Variants in MAGI2 observed in about 807,000 individuals in gnomAD.
The protein encoded by MAGI2 is membrane-associated guanylate kinase, WW and PDZ domain-containing protein 2.
MAGI2 carries 35 observed loss-of-function variants against 133.3 expected under a neutral mutation model. That is an observed-to-expected ratio of 0.26 (90% CI 0.20 to 0.35). The LOEUF is 0.35. MAGI2 is among the 10% of genes least tolerant of loss of function. The pLI is 1.00. For synonymous variants in MAGI2, 729 were observed against 710.6 expected (o/e 1.03, Z -0.41); for missense variants, 1,636 against 1,863.4 (o/e 0.88, Z 2.25).
intron 2 of MAGI2, among the ~76,000 whole-genome samples, chr7:78,636,630 C>G (rs1194452673): frequency 1.3e-5 from 2 of 151,994 alleles, no homozygotes; most frequent in Non-Finnish European, 2.9e-5. Context: ...AACCCCGTCT[C>G]CACTAAAAAT....
chr7:79,171,674 AATAG>A (rs780070789), intron 1 of MAGI2, among the ~76,000 whole-genome samples: 3 of 146,118 alleles, frequency 2.1e-5, no homozygotes, highest in Non-Finnish European at 3.0e-5. Context: ...ATTCAATAAA[AATAG>A]ATAGTAAGTA....
At chr7:79,348,125 G>A (rs1162451240) in intron 1 of MAGI2, among the ~76,000 whole-genome samples, 3 of 151,718 alleles carry the variant, frequency 2.0e-5, no homozygotes, top group Non-Finnish European at 3.0e-5. Context: ...AAATAAATAA[G>A]CATTTTTATA....
chr7:78,788,247 C>T (rs1157681709), intron 2 of MAGI2, among the ~76,000 whole-genome samples: 2 of 152,162 alleles, frequency 1.3e-5, no homozygotes, highest in African/African-American at 4.8e-5. Context: ...GTATGTGGGA[C>T]AATCTTTTTT....
At chr7:78,690,924 C>A (rs1258446577) in intron 2 of MAGI2, among the ~76,000 whole-genome samples, 1 of 152,168 alleles carries the variant, frequency 6.6e-6, no homozygotes, top group Non-Finnish European at 1.5e-5. Flanking sequence ...AATGACACTG[C>A]ATGCAAAGCT....
intron 1 of MAGI2, chr7:79,410,089 T>TCTA (rs576538805): frequency 1.5e-4 from 23 of 151,934 alleles, no homozygotes; most frequent in African/African-American, 4.1e-4. Context: ...GTGTTAATTT[T>TCTA]CTACTACTAC....
At chr7:78,044,711 G>T (rs62461165) in intron 21 of MAGI2, among the ~76,000 whole-genome samples, 1 of 151,694 alleles carries the variant, frequency 6.6e-6, no homozygotes, top group South Asian at 2.1e-4. Flanking sequence ...GTGTGCACGT[G>T]TGCACACGCA....
chr7:79,182,950 C>A (rs996979611), intron 1 of MAGI2, among the ~76,000 whole-genome samples: 7 of 151,750 alleles, frequency 4.6e-5, no homozygotes, highest in African/African-American at 1.7e-4. Flanking sequence ...CATAGAAAGA[C>A]AAATATTGCA....
intron 13 of MAGI2, among the ~76,000 whole-genome samples, chr7:78,182,613 G>T (rs953743871): frequency 6.6e-6 from 1 of 152,252 alleles, no homozygotes; most frequent in African/African-American, 2.4e-5. Context: ...TCTGGTTTAT[G>T]CTCTCTCTTA....
intron 1 of MAGI2, among the ~76,000 whole-genome samples, chr7:79,217,758 G>A (rs1025941682): frequency 2.0e-5 from 3 of 151,996 alleles, no homozygotes; most frequent in African/African-American, 7.3e-5. Flanking sequence ...AAATGGGGAT[G>A]ATGATTCCCA....
chr7:78,990,280 G>A (rs555889015), intron 2 of MAGI2, among the ~76,000 whole-genome samples: 92 of 152,140 alleles, frequency 6.0e-4, no homozygotes, highest in Non-Finnish European at 1.1e-3. Flanking sequence ...AGTGTGTTAT[G>A]TTACATGACC....
At chr7:78,376,898 G>C (rs916198242) in intron 6 of MAGI2, among the ~76,000 whole-genome samples, 1 of 152,122 alleles carries the variant, frequency 6.6e-6, no homozygotes, top group African/African-American at 2.4e-5. Flanking sequence ...GATGAACCTA[G>C]TAGGTTTTTG....
chr7:79,446,909 G>A (rs150422319), intron 1 of MAGI2, among the ~76,000 whole-genome samples: 3,307 of 152,082 alleles, frequency 0.022, 110 homozygotes, highest in African/African-American at 0.075. Flanking sequence ...CTGAGATCAC[G>A]CCACTGCACT....
At chr7:78,750,216 C>CT (rs1234500293) in intron 2 of MAGI2, among the ~76,000 whole-genome samples, 5 of 152,092 alleles carry the variant, frequency 3.3e-5, no homozygotes, top group Non-Finnish European at 7.3e-5. Context: ...TGAACTCACC[C>CT]TTTTTTACGG....
Position 78,343,005 on chromosome 7 carries a change from A to C in MAGI2, c.1408+773T>G, listed in dbSNP as rs997182532. On this transcript the variant is annotated intron_variant, in intron 9 of 21. Transcript: ENST00000354212. Reference sequence around the variant, plus strand: ...AATCTTGAATCAGCACTTAAAAGACATAAGGTCATATTTAATTTCTTCATT... The same window carrying C: ...AATCTTGAATCAGCACTTAAAAGACCTAAGGTCATATTTAATTTCTTCATT... Among the ~76,000 whole-genome samples the C allele has an allele frequency of 2.0e-5, 3 of 152,344 alleles. No homozygotes were observed. In the East Asian group the frequency reaches 5.8e-4, roughly 29 times the overall value.
In MAGI2 at chr7:79,453,584, C is replaced by T. The variant is rs1011025551; in HGVS notation, c.-264G>A. 1.7e-5 allele frequency: 20 copies of T among 1,177,290 alleles called. No homozygotes were observed. Among genetic ancestry groups the T allele is most frequent in the South Asian group, 3.6e-5 (1 of 28,156 alleles). The allele number at this position is 1,177,290 out of a possible 1,614,324, so 72.9% of individuals were successfully genotyped here. On this transcript the variant is annotated 5_prime_UTR_variant, in exon 1 of 22. Coordinates refer to ENST00000354212, the MANE Select transcript of MAGI2 (RefSeq NM_012301.4). ...AATGACACTCAAGGCTGTGGCCCCG[C>T]AGCAGAGGAAGCAGTGGTGGTGGCG...
intron 11 of MAGI2, among the ~76,000 whole-genome samples, chr7:78,196,312 C>G (rs1309841205): frequency 1.2e-4 from 18 of 152,054 alleles, no homozygotes; most frequent in Non-Finnish European, 1.8e-4. Context: ...CACGAGTCTA[C>G]CCAGCCATGT....
intron 3 of MAGI2, chr7:78,567,897 C>T (rs895533580): frequency 5.9e-5 from 9 of 152,184 alleles, no homozygotes; most frequent in African/African-American, 1.7e-4. Flanking sequence ...TTTCAAAACT[C>T]ACTCCAATCA....
At chr7:79,014,997 T>C (rs1008377287) in intron 1 of MAGI2, among the ~76,000 whole-genome samples, 2 of 152,210 alleles carry the variant, frequency 1.3e-5, no homozygotes, top group Non-Finnish European at 2.9e-5. Flanking sequence ...AAAATGCTCA[T>C]ACTTTGGTAT....
At chr7:78,131,743 T>C (rs1182231961) in intron 18 of MAGI2, among the ~76,000 whole-genome samples, 1 of 152,234 alleles carries the variant, frequency 6.6e-6, no homozygotes. Context: ...CTTATGACAG[T>C]CTTTTTCTGG....
Sources: allele counts gnomAD v4.1 joint callset (sites outside exome capture counted in the v4.1 genomes callset), GRCh38; gene constraint gnomAD v4.1.1; transcripts MANE v1.5; gene names NCBI Gene and HGNC (gene_info 2026-07-23, HGNC 2026-07-21).